Variants in CUL3 observed in about 807,000 individuals in gnomAD.
CUL3 encodes cullin 3.
CUL3 carries 19 observed loss-of-function variants against 89.1 expected under a neutral mutation model. The observed-to-expected ratio is 0.21, with a 90% confidence interval of 0.15 to 0.31. The LOEUF (loss-of-function observed/expected upper bound fraction) is 0.31. CUL3 is among the 10% of genes least tolerant of loss of function. CUL3 has a pLI of 1.00. For missense variants in CUL3, 469 were observed against 942.3 expected (o/e 0.50, Z 6.58); for synonymous variants, 351 against 308.4 (o/e 1.14, Z -1.45).
intron 1 of CUL3, among the ~76,000 whole-genome samples, chr2:224,568,103 T>C (rs1300996226): frequency 6.6e-6 from 1 of 152,230 alleles, no homozygotes; most frequent in Non-Finnish European, 1.5e-5. Flanking sequence ...CTTTATCTGA[T>C]TCTTTACACA....
chr2:224,495,925 A>C lies in CUL3; in HGVS notation c.1749T>G (p.Thr583=), dbSNP rs760092050. The change falls in exon 13 of 16, where the codon ACT becomes ACG. Residue 583 remains threonine, a synonymous_variant. Transcript: ENST00000264414. ...ATATGTGCTTCCGTGTATTAGAGCCAGTTACTTGTGCACCTCCAACACCAA... is the reference window on the plus strand; with the variant it reads ...ATATGTGCTTCCGTGTATTAGAGCCCGTTACTTGTGCACCTCCAACACCAA... The part of the protein sequence containing the change: ...SEVGVGGAQV[T]GSNTRKHILQ... 1.2e-6 allele frequency: 2 copies of C among 1,614,090 alleles called. No homozygotes were observed. Among genetic ancestry groups the C allele is most frequent in the Non-Finnish European group, 1.7e-6 (2 of 1,179,944 alleles).
chr2:224,536,782 T>C (rs1182365539), intron 2 of CUL3, among the ~76,000 whole-genome samples: 1 of 152,236 alleles, frequency 6.6e-6, no homozygotes, highest in African/African-American at 2.4e-5. Context: ...TATTGACCAC[T>C]ACTCTTTCCT....
intron 1 of CUL3, among the ~76,000 whole-genome samples, chr2:224,584,628 C>G (rs1695530180): frequency 6.6e-6 from 1 of 151,744 alleles, no homozygotes; most frequent in South Asian, 2.1e-4. Flanking sequence ...CCTACAACCC[C>G]GGCAACGTGG....
At chr2:224,536,393 TAGCTC>T (rs1171701358) in intron 2 of CUL3, among the ~76,000 whole-genome samples, 1 of 151,218 alleles carries the variant, frequency 6.6e-6, no homozygotes, top group African/African-American at 2.4e-5. Flanking sequence ...AAAGAAAGCC[TAGCTC>T]TACTTCTTCA....
intron 3 of CUL3, among the ~76,000 whole-genome samples, chr2:224,519,213 A>G (rs1693174472): frequency 6.6e-6 from 1 of 152,250 alleles, no homozygotes; most frequent in Non-Finnish European, 1.5e-5. Context: ...ATATTGTACA[A>G]AATTACCTTT....
At chr2:224,580,896 T>TA (rs1178792628) in intron 1 of CUL3, among the ~76,000 whole-genome samples, 1 of 144,824 alleles carries the variant, frequency 6.9e-6, no homozygotes, top group Non-Finnish European at 1.5e-5. Context: ...TTTTTTTTTT[T>TA]AAGACAAGAG....
chr2:224,546,675 G>A (rs1046030822), intron 2 of CUL3, among the ~76,000 whole-genome samples: 3 of 151,448 alleles, frequency 2.0e-5, no homozygotes, highest in Admixed American at 2.0e-4. Flanking sequence ...GATGGGGGGG[G>A]GTACTTGCCC....
intron 3 of CUL3, among the ~76,000 whole-genome samples, chr2:224,521,618 T>C (rs1027245040): frequency 6.6e-6 from 1 of 151,720 alleles, no homozygotes; most frequent in Non-Finnish European, 1.5e-5. Context: ...TTCAGTAGAG[T>C]TGGGGTTTCA....
At chr2:224,575,369 G>GA (rs1171701410) in intron 1 of CUL3, among the ~76,000 whole-genome samples, 1 of 152,176 alleles carries the variant, frequency 6.6e-6, no homozygotes, top group Non-Finnish European at 1.5e-5. Context: ...GGAGTAGCTA[G>GA]AAAATATGTT....
chr2:224,565,642 T>C (rs1386686871), intron 1 of CUL3, among the ~76,000 whole-genome samples: 1 of 152,234 alleles, frequency 6.6e-6, no homozygotes, highest in Non-Finnish European at 1.5e-5. Context: ...TTCTCTAATG[T>C]CAACTTGGTT....
At chr2:224,526,701 A>G (rs2106247337) in intron 3 of CUL3, among the ~76,000 whole-genome samples, 1 of 151,928 alleles carries the variant, frequency 6.6e-6, no homozygotes, top group African/African-American at 2.4e-5. Context: ...GCCTTCCTAA[A>G]CTTAATGTCA....
In CUL3 at chr2:224,493,145, G is replaced by A. The variant is rs771385342; in HGVS notation, c.1842+2687C>T. ...GTATCTTCTCAATCCCTAACCCACAGAAACGAGAGATAATAAATTGTTAGT... is the reference window on the plus strand; with the variant it reads ...GTATCTTCTCAATCCCTAACCCACAAAAACGAGAGATAATAAATTGTTAGT... On this transcript the variant is annotated intron_variant, in intron 13 of 15. Transcript: ENST00000264414. Among the ~76,000 whole-genome samples, 4 of 152,154 alleles carry A rather than the reference G, an allele frequency of 2.6e-5. No individual in the cohort carries two copies. In the South Asian group the frequency reaches 6.2e-4, roughly 24 times the overall value.
intron 3 of CUL3, among the ~76,000 whole-genome samples, chr2:224,530,194 G>T (rs570445231): frequency 4.6e-5 from 7 of 152,106 alleles, no homozygotes; most frequent in Admixed American, 4.6e-4. Flanking sequence ...AGCCAAGATC[G>T]CGCCACTGCA....
intron 3 of CUL3, among the ~76,000 whole-genome samples, chr2:224,530,974 C>T (rs1400538445): frequency 1.3e-5 from 2 of 151,876 alleles, no homozygotes; most frequent in African/African-American, 4.8e-5. Flanking sequence ...TTAATTAAGC[C>T]TAGAACACTA....
At chr2:224,496,661 T>C (rs1462159566) in intron 12 of CUL3, among the ~76,000 whole-genome samples, 5 of 151,698 alleles carry the variant, frequency 3.3e-5, no homozygotes, top group Non-Finnish European at 7.4e-5. Flanking sequence ...CTGTGTGATG[T>C]GATCACAGTA....
rs779870454 is a variant in CUL3 at position 224,507,057 on chromosome 2, G to A, written c.884-54C>T. On this transcript the variant is annotated intron_variant, in intron 6 of 15. Transcript: ENST00000264414. ...CATTAAAGATTAAAGAAAAAAACAC[G>A]AATCTCTGTTCACGCTATAATACTG... 2.0e-5 allele frequency: 31 copies of A among 1,543,608 alleles called. 1 individual carries two copies. Among genetic ancestry groups the A allele is most frequent in the Middle Eastern group, 3.4e-4 (2 of 5,820 alleles).
intron 1 of CUL3, among the ~76,000 whole-genome samples, chr2:224,577,053 A>T (rs567531254): frequency 1.3e-5 from 2 of 152,382 alleles, no homozygotes; most frequent in East Asian, 1.9e-4. Context: ...CGCTAAAATA[A>T]GTGTATGGCA....
intron 1 of CUL3, among the ~76,000 whole-genome samples, chr2:224,577,364 C>A (rs1031301456): frequency 6.6e-6 from 1 of 152,032 alleles, no homozygotes; most frequent in Non-Finnish European, 1.5e-5. Flanking sequence ...GTCAGGAGAT[C>A]GAGATCATCC....
chr2:224,475,396 A>G (rs191224440), intron 15 of CUL3, among the ~76,000 whole-genome samples: 3 of 152,342 alleles, frequency 2.0e-5, no homozygotes, highest in Admixed American at 2.0e-4. Context: ...GAAAACTGAC[A>G]TCAACAAGTA....
Sources: allele counts gnomAD v4.1 joint callset (sites outside exome capture counted in the v4.1 genomes callset), GRCh38; gene constraint gnomAD v4.1.1; transcripts MANE v1.5; gene names NCBI Gene and HGNC (gene_info 2026-07-23, HGNC 2026-07-21).